Variants in LTF observed in about 807,000 individuals in gnomAD.
The protein encoded by LTF is lactotransferrin, also known as epididymis luminal protein 110.
In LTF, 91 loss-of-function variants were observed where a neutral mutation model predicts 87.2. The observed-to-expected ratio is 1.04, with a 90% CI of 0.88 to 1.24. The LOEUF is 1.24. Ranked by LOEUF, LTF falls within the 50% of genes most tolerant of loss-of-function variation. The pLI is 0.00. For missense variants in LTF, 901 were observed against 904.3 expected (o/e 1.00, Z 0.05); for synonymous variants, 378 against 356.1 (o/e 1.06, Z -0.69).
rs143317180 is a variant in LTF at position 46,443,441 on chromosome 3, C to A, written c.1655G>T (p.Arg552Leu). 9.3e-6 allele frequency: 15 copies of A among 1,613,950 alleles called. No homozygotes were observed. The highest frequency in any genetic ancestry group is 4.0e-5 in the African/African-American group (3 of 74,908). ...TGATGGAGCTCAGTCACAGACTCAC[C>A]GGAAAGCCCCAGTGTAGCCGTAGTA... Reference protein sequence around the residue: ...ERYYGYTGAFRCLAENAGDVA... With the variant: ...ERYYGYTGAFLCLAENAGDVA... Residue 552 changes from arginine (R) to leucine (L), a missense_variant and splice_region_variant, in exon 13 of 17, where the codon CGG (arginine) becomes CTG (leucine). Coordinates refer to ENST00000231751, the MANE Select transcript of LTF (RefSeq NM_002343.6).
Position 46,445,262 on chromosome 3 carries a change from C to A in LTF, c.1513+19G>T. 1 of 1,596,482 alleles carries A rather than the reference C, an allele frequency of 6.3e-7. No individual in the cohort carries two copies. Among genetic ancestry groups the A allele is most frequent in the Non-Finnish European group, 8.5e-7 (1 of 1,170,500 alleles). On this transcript the variant is annotated intron_variant, in intron 12 of 16. Transcript: ENST00000231751. Reference sequence around the variant, plus strand: ...ACCCTCCAGGGTGGCCCACCCACCGCACCTTTGGAACTCCTTACCAAATTT... The same window carrying A: ...ACCCTCCAGGGTGGCCCACCCACCGAACCTTTGGAACTCCTTACCAAATTT...
At chr3:46,440,525 G>T in intron 14 of LTF, among the ~76,000 whole-genome samples, 1 of 152,282 alleles carries the variant, frequency 6.6e-6, no homozygotes, top group East Asian at 1.9e-4. Context: ...TGCAGATGCC[G>T]GCTCATTGTT....
Position 46,439,482 on chromosome 3 carries a change from T to C in LTF, c.1724-2A>G. ...TAGCCCATGCCTCATTGTTATTTCC[T>C]GGGGAGAAAAAGAAGGTGGCATCAT... On this transcript the variant is annotated splice_acceptor_variant, in intron 14 of 16. Coordinates refer to ENST00000231751, the MANE Select transcript of LTF (RefSeq NM_002343.6). LOFTEE classifies it high-confidence loss of function. The C allele has an allele frequency of 6.3e-7, 1 of 1,598,006 alleles. No individual in the cohort carries two copies. Among genetic ancestry groups the C allele is most frequent in the East Asian group, 2.2e-5 (1 of 44,622 alleles).
chr3:46,464,122 C>T (rs1486331759), intron 1 of LTF, among the ~76,000 whole-genome samples: 9 of 152,210 alleles, frequency 5.9e-5, no homozygotes, highest in African/African-American at 2.2e-4. Flanking sequence ...TCCGCACTCA[C>T]GCATTTAGGT....
chr3:46,449,095 T>A, intron 8 of LTF, 78 bp from the exon 9 acceptor site: 5 of 1,365,210 alleles, frequency 3.7e-6, no homozygotes, highest in Non-Finnish European at 5.0e-6. Flanking sequence ...GCCAGGGTCC[T>A]GCCCAGACTC....
chr3:46,465,694 A>G (rs993042111), upstream of LTF, among the ~76,000 whole-genome samples: 2 of 152,124 alleles, frequency 1.3e-5, no homozygotes, highest in Admixed American at 6.5e-5. Context: ...CATTTTAACA[A>G]TCGCCATAAA....
chr3:46,480,732 G>T (rs556423969), intron 1 of LTF, among the ~76,000 whole-genome samples: 2 of 152,248 alleles, frequency 1.3e-5, no homozygotes, highest in East Asian at 1.9e-4. Context: ...TTATTTTACG[G>T]GTCACTCTGC....
At chr3:46,446,055 C>T (rs2269440) in intron 11 of LTF, among the ~76,000 whole-genome samples, 53,459 of 151,980 alleles carry the variant, frequency 0.35, 9,907 homozygotes, top group East Asian at 0.67. Context: ...CACTGGGACA[C>T]GAGTCCCAGG....
intron 1 of LTF, among the ~76,000 whole-genome samples, chr3:46,471,163 T>C (rs1703280386): frequency 6.6e-6 from 1 of 152,130 alleles, no homozygotes; most frequent in Non-Finnish European, 1.5e-5. Context: ...AACATGGCCC[T>C]TCTAGGAGAG....
chr3:46,445,272 ACTC>A lies in LTF; in HGVS notation c.1513+6_1513+8del. 6.2e-7 allele frequency: 1 copy of A among 1,603,210 alleles called. No individual in the cohort carries two copies. The highest frequency in any genetic ancestry group is 2.3e-5 in the East Asian group (1 of 44,254). On this transcript the variant is annotated splice_donor_region_variant and intron_variant, in intron 12 of 16. Transcript: ENST00000231751. Reference sequence around the variant, plus strand: ...GTGGCCCACCCACCGCACCTTTGGAACTCCTTACCAAATTTGCAGGAGCCCGTC... The same window carrying A: ...GTGGCCCACCCACCGCACCTTTGGAACTTACCAAATTTGCAGGAGCCCGTC...
At chr3:46,440,030 G>A (rs548669695) in intron 14 of LTF, among the ~76,000 whole-genome samples, 6 of 152,360 alleles carry the variant, frequency 3.9e-5, no homozygotes, top group East Asian at 1.9e-4. Context: ...ATAGGGCAAT[G>A]ACTGATAATA....
Position 46,446,485 on chromosome 3 carries a change from G to A in LTF, c.1312C>T (p.Gln438Ter). 1 of 1,613,680 alleles carries A rather than the reference G, an allele frequency of 6.2e-7. No individual in the cohort carries two copies. The highest frequency in any genetic ancestry group is 2.2e-5 in the East Asian group (1 of 44,866). ...CAGTTAGGATCAGGGTCACTGCTTT[G>A]TTGGGATTCTGAAAGAATAAAGACA... Reference protein sequence around the residue: ...PVLAENYKSQQSSDPDPNCVD... With the variant: ...PVLAENYKSQ Residue 438 changes from glutamine (Q) to a stop codon, truncating the protein, a stop_gained, in exon 11 of 17, where the codon CAA becomes TAA. Coordinates refer to ENST00000231751, the MANE Select transcript of LTF (RefSeq NM_002343.6). LOFTEE classifies it high-confidence loss of function.
intron 1 of LTF, among the ~76,000 whole-genome samples, chr3:46,475,279 C>T (rs1321875224): frequency 3.3e-5 from 5 of 152,064 alleles, no homozygotes; most frequent in African/African-American, 4.8e-5. Context: ...GATTTTAAAA[C>T]TCTCAAAAAA....
At chr3:46,481,699 C>A (rs978571058) in intron 1 of LTF, among the ~76,000 whole-genome samples, 1 of 152,082 alleles carries the variant, frequency 6.6e-6, no homozygotes, top group African/African-American at 2.4e-5. Context: ...TGCAGGGAGC[C>A]GAGATTGTGC....
upstream of LTF, among the ~76,000 whole-genome samples, chr3:46,469,761 G>T (rs572273055): frequency 6.6e-6 from 1 of 152,186 alleles, no homozygotes. Context: ...ACAGCCAAAG[G>T]CCCTAAGAGT....
chr3:46,450,205 C>T (rs1171020910), intron 7 of LTF, among the ~76,000 whole-genome samples, 177 bp from the exon 8 acceptor site: 1 of 152,102 alleles, frequency 6.6e-6, no homozygotes, highest in Non-Finnish European at 1.5e-5. Context: ...TCAGCTATGG[C>T]TCATTCTTTG....
chr3:46,443,494 A>G lies in LTF; in HGVS notation c.1602T>C (p.Asn534=). Residue 534 remains asparagine (N), a synonymous_variant, in exon 13 of 17, where the codon AAT becomes AAC. Transcript: ENST00000231751. ...ALCIGDEQGE[N]KCVPNSNERY... is the part of the protein sequence containing the mutation. ...TCTCGTTGCTGTTGGGCACGCACTT[A>G]TTCTCACCCTGCTCGTCGCCAATAC... The G allele has an allele frequency of 1.2e-6, 2 of 1,614,164 alleles. No individual in the cohort carries two copies. The highest frequency in any genetic ancestry group is 1.7e-6 in the Non-Finnish European group (2 of 1,180,028).
intron 1 of LTF, among the ~76,000 whole-genome samples, chr3:46,461,411 C>A (rs1352704077): frequency 1.3e-5 from 2 of 152,178 alleles, no homozygotes; most frequent in Admixed American, 1.3e-4. Context: ...ACCTAAATGT[C>A]CAATAACTGG....
rs186615768 is a variant in LTF at position 46,452,228 on chromosome 3, A to G, written c.704-1555T>C. Among the ~76,000 whole-genome samples the G allele has an allele frequency of 4.5e-4, 69 of 152,370 alleles. No homozygotes were observed. In the Middle Eastern group the frequency reaches 0.01, roughly 23 times the overall value. On this transcript the variant is annotated intron_variant, in intron 6 of 16. Coordinates refer to ENST00000231751, the MANE Select transcript of LTF (RefSeq NM_002343.6). ...ATGTTATCCTCATTAACAATAACCA[A>G]ATAGAAACCAATATGGACTATAAGA...
Sources: allele counts gnomAD v4.1 joint callset (sites outside exome capture counted in the v4.1 genomes callset), GRCh38; gene constraint gnomAD v4.1.1; transcripts MANE v1.5; gene names NCBI Gene and HGNC (gene_info 2026-07-23, HGNC 2026-07-21).